The following PPP1R1B variants were observed in gnomAD, a reference collection of about 807,000 sequenced individuals.
PPP1R1B encodes protein phosphatase 1 regulatory subunit 1B.
Under a neutral mutation model 28.2 loss-of-function variants are expected in PPP1R1B, and 13 were observed. The observed-to-expected ratio is 0.46, with a 90% CI of 0.30 to 0.73. The LOEUF (loss-of-function observed/expected upper bound fraction) is 0.73, where lower values mean the gene tolerates loss of function less well. PPP1R1B is among the 30% of genes least tolerant of loss of function. The pLI, the probability that PPP1R1B is intolerant of heterozygous loss-of-function variation, is 0.07. For missense variants in PPP1R1B, 236 were observed against 256.7 expected, an observed-to-expected ratio of 0.92 and a Z score of 0.55; for synonymous variants, 102 against 97.5, an observed-to-expected ratio of 1.05 and a Z score of -0.27.
intron 2 of PPP1R1B, 119 bp from the exon 3 acceptor site, chr17:39,629,398 CCGCAGGAGGGAGAGGGCACACTT>C: frequency 7.7e-7 from 1 of 1,294,298 alleles, no homozygotes. Flanking sequence ...CACCTCCCAG[CCGCAGGAGGGAGAGGGCACACTT>C]TCCCTGTCCC....
rs1190743597 is a variant in PPP1R1B at position 39,633,911 on chromosome 17, G to T, written c.270G>T (p.Leu90=). The T allele has an allele frequency of 6.2e-7, 1 of 1,613,854 alleles. No individual in the cohort carries two copies. The highest frequency in any genetic ancestry group is 1.3e-5 in the African/African-American group (1 of 75,042). ...KAVQRIAESH[L]QSISNLNENQ... is the part of the protein sequence containing the mutation. ...TGCAGCGCATTGCTGAGTCTCACCT[G>T]CAGTCTATCAGCAATTTGAATGAGA... is the stretch of plus-strand genomic sequence containing the variant. The change falls in exon 5 of 7, where the codon CTG becomes CTT. Residue 90 remains leucine, a synonymous_variant. Coordinates refer to ENST00000254079, the MANE Select transcript of PPP1R1B (RefSeq NM_032192.4).
intron 2 of PPP1R1B, 30 bp downstream of exon 2, chr17:39,629,260 GC>G: frequency 6.2e-7 from 1 of 1,606,694 alleles, no homozygotes; most frequent in Non-Finnish European, 8.5e-7. Context: ...CTTAGCCCTG[GC>G]CCCACCCTAG....
intron 2 of PPP1R1B, 60 bp from the exon 3 acceptor site, chr17:39,629,480 C>T: frequency 6.2e-7 from 1 of 1,602,344 alleles, no homozygotes; most frequent in South Asian, 1.1e-5. Flanking sequence ...TCTCTCTCTC[C>T]CTCTTCTCTT....
rs192352781 is a variant in PPP1R1B, at chr17:39,631,585, G to A, written c.241+1538G>A. Among the ~76,000 whole-genome samples the A allele has an allele frequency of 8.5e-5, 13 of 152,186 alleles. No homozygotes were observed. The East Asian group carries it at 9.7e-4, about 11-fold the overall frequency. ...GCGGAGGTTGGGAGGGAGAGCTACC[G>A]GAAGAGTATGCTGGGAAGTGGTTCG... On this transcript the variant is annotated intron_variant, in intron 4 of 6. Coordinates refer to ENST00000254079, the MANE Select transcript of PPP1R1B (RefSeq NM_032192.4).
At chr17:39,635,310 G>A (rs1269503970) in intron 5 of PPP1R1B, among the ~76,000 whole-genome samples, 1 of 152,144 alleles carries the variant, frequency 6.6e-6, no homozygotes, top group Non-Finnish European at 1.5e-5. Flanking sequence ...AAACCACCAC[G>A]ACTCCTAGTG....
intron 5 of PPP1R1B, among the ~76,000 whole-genome samples, chr17:39,634,544 C>G (rs1484611932): frequency 6.6e-6 from 1 of 152,226 alleles, no homozygotes; most frequent in Non-Finnish European, 1.5e-5. Flanking sequence ...GGACTGTTGT[C>G]TGTTTCTCCT....
rs541047153 is a variant in PPP1R1B at position 39,629,303 on chromosome 17, T to C, written c.142+73T>C. 4.7e-6 allele frequency: 7 copies of C among 1,498,064 alleles called. No homozygotes were observed. In the African/African-American group the frequency reaches 9.6e-5, roughly 21 times the overall value. The allele number at this position is 1,498,064 out of a possible 1,614,324, so 92.8% of individuals were successfully genotyped here. A position where few individuals can be genotyped will look rare whatever the true frequency, so the allele number is the denominator to read the frequency against. On this transcript the variant is annotated intron_variant, in intron 2 of 6. Transcript: ENST00000254079. ...TGCCTTCCTAGGGGCCCTGCCAAAGTCCCATGAACAGGAGTCAAAGCTGGA... is the reference window on the plus strand; with the variant it reads ...TGCCTTCCTAGGGGCCCTGCCAAAGCCCCATGAACAGGAGTCAAAGCTGGA...
intron 4 of PPP1R1B, among the ~76,000 whole-genome samples, chr17:39,631,745 A>G (rs1027783093): frequency 2.0e-4 from 30 of 152,180 alleles, no homozygotes; most frequent in African/African-American, 7.2e-4. Context: ...TGCTTTCCCC[A>G]GGACAGGAAA....
At chr17:39,635,194 T>TCAAAAA (rs2056908048) in intron 5 of PPP1R1B, among the ~76,000 whole-genome samples, 1 of 151,588 alleles carries the variant, frequency 6.6e-6, no homozygotes, top group South Asian at 2.1e-4. Context: ...AGACTCCATC[T>TCAAAAA]CAAAAACAAA....
chr17:39,630,595 T>A (rs1360135725), intron 4 of PPP1R1B: 1 of 155,154 alleles, frequency 6.4e-6, no homozygotes, highest in Non-Finnish European at 1.4e-5. Flanking sequence ...TGAGTCAGAT[T>A]TGGTCCCTGC....
intron 4 of PPP1R1B, 128 bp from the exon 5 acceptor site, chr17:39,633,755 G>A (rs926406595): frequency 6.6e-7 from 1 of 1,515,322 alleles, no homozygotes. Flanking sequence ...TTTGAACTTG[G>A]GCCCCTGAGG....
intron 1 of PPP1R1B, chr17:39,628,607 T>C: frequency 1.4e-5 from 14 of 986,508 alleles, no homozygotes; most frequent in Non-Finnish European, 1.7e-5. Flanking sequence ...TTTGGGTCCC[T>C]GAGCCTCAGC....
At chr17:39,633,781 C>T (rs913840140) in intron 4 of PPP1R1B, 102 bp from the exon 5 acceptor site, 3 of 1,567,458 alleles carry the variant, frequency 1.9e-6, no homozygotes, top group East Asian at 4.5e-5. Context: ...TTCTCTGCCC[C>T]AGGCCTACGG....
rs2056917767 is a variant in PPP1R1B at position 39,635,836 on chromosome 17, C to T, written c.586C>T (p.Arg196Cys). The change falls in exon 7 of 7, where the codon CGC becomes TGC. Residue 196 changes from arginine to cysteine, a missense_variant. Arg to Cys is a radical substitution (Grantham distance 180, BLOSUM62 -3). Transcript: ENST00000254079. ...TTCAGAGCCTGGGGAGGAACCTCAG[C>T]GCCCTTCCCCCTCTGAGCCTGGCAC... ...ALSEPGEEPQ[R>C]PSPSEPGT 6.2e-7 allele frequency: 1 copy of T among 1,613,638 alleles called. No individual in the cohort carries two copies. The highest frequency in any genetic ancestry group is 8.5e-7 in the Non-Finnish European group (1 of 1,179,996).
At chr17:39,629,748 C>G (rs1196907768) in intron 3 of PPP1R1B, among the ~76,000 whole-genome samples, 186 bp downstream of exon 3, 1 of 152,238 alleles carries the variant, frequency 6.6e-6, no homozygotes, top group African/African-American at 2.4e-5. Flanking sequence ...TCTGCTCAGA[C>G]TCAGGGTGGA....
intron 3 of PPP1R1B, 112 bp downstream of exon 3, chr17:39,629,674 T>A (rs900765141): frequency 3.6e-6 from 4 of 1,111,820 alleles, no homozygotes; most frequent in Non-Finnish European, 4.0e-6. Context: ...AGAGGACACA[T>A]TAGCATATCA....
At chr17:39,628,473 T>C (rs1322393327) in intron 1 of PPP1R1B, 5 of 984,402 alleles carry the variant, frequency 5.1e-6, no homozygotes, top group Admixed American at 6.1e-5. Flanking sequence ...AGTTGCTGCT[T>C]GGCTCACGTA....
Position 39,627,331 on chromosome 17 carries a change from G to C in PPP1R1B, c.-62G>C, listed in dbSNP as rs2056844669. On this transcript the variant is annotated 5_prime_UTR_variant, in exon 1 of 7. Transcript: ENST00000254079. Reference sequence around the variant, plus strand: ...CCCGCCGCCTGCGCGGGGGAGCCCAGCACAGACCGCCGCCGGGACCCCGAG... The same window carrying C: ...CCCGCCGCCTGCGCGGGGGAGCCCACCACAGACCGCCGCCGGGACCCCGAG... 23 of 1,247,726 alleles carry C rather than the reference G, an allele frequency of 1.8e-5. No individual in the cohort carries two copies. Among genetic ancestry groups the C allele is most frequent in the Non-Finnish European group, 2.3e-5 (20 of 880,846 alleles). 77.3% of individuals were successfully genotyped at this position (1,247,726 alleles called of 1,614,324 possible).
At chr17:39,629,802 A>C in intron 3 of PPP1R1B, 170 bp from the exon 4 acceptor site, 1 of 828,728 alleles carries the variant, frequency 1.2e-6, no homozygotes, top group Non-Finnish European at 1.9e-6. Flanking sequence ...GCCATGGCTT[A>C]TGGGGGGCCC....
Sources: gnomAD v4.1 joint callset for allele counts (sites outside exome capture counted in the v4.1 genomes callset) on GRCh38, gnomAD v4.1.1 for gene constraint, MANE v1.5 for transcripts, NCBI Gene and HGNC (gene_info 2026-07-23, HGNC 2026-07-21) for gene names.